The following DYM variants were observed in gnomAD, a reference collection of about 807,000 sequenced individuals.
The protein encoded by DYM is dyggve-Melchior-Clausen syndrome protein.
DYM carries 78 observed loss-of-function variants against 93.1 expected under a neutral mutation model. The observed-to-expected ratio is 0.84, with a 90% CI of 0.70 to 1.01. The LOEUF is 1.01. DYM is among the 50% of genes least tolerant of loss of function. DYM has a pLI of 0.00. For missense variants in DYM, 789 were observed against 845.0 expected, an observed-to-expected ratio of 0.93 and a Z score of 0.82; for synonymous variants, 321 against 319.7, an observed-to-expected ratio of 1.00 and a Z score of -0.04.
At chr18:49,335,070 G>A (rs2146889654) in intron 6 of DYM, among the ~76,000 whole-genome samples, 1 of 152,214 alleles carries the variant, frequency 6.6e-6, no homozygotes, top group Middle Eastern at 3.4e-3. Context: ...TCGTGCCATT[G>A]CACTCCAGCC....
At chr18:49,420,706 C>T (rs555590283) in intron 2 of DYM, among the ~76,000 whole-genome samples, 3 of 152,106 alleles carry the variant, frequency 2.0e-5, no homozygotes, top group East Asian at 1.9e-4. Context: ...GACCGTGAAC[C>T]GAAGCAGGGC....
At chr18:49,369,393 T>C (rs2066798834) in intron 5 of DYM, among the ~76,000 whole-genome samples, 1 of 152,184 alleles carries the variant, frequency 6.6e-6, no homozygotes, top group South Asian at 2.1e-4. Flanking sequence ...GGACAGAACC[T>C]TGGACAGAAC....
intron 2 of DYM, among the ~76,000 whole-genome samples, chr18:49,406,738 C>A (rs1197840704): frequency 1.3e-5 from 2 of 152,174 alleles, no homozygotes; most frequent in East Asian, 3.8e-4. Flanking sequence ...TCACACATTG[C>A]TGATGGGAAA....
chr18:49,297,738 T>C (rs760806292), intron 8 of DYM, among the ~76,000 whole-genome samples: 12 of 151,796 alleles, frequency 7.9e-5, no homozygotes, highest in Middle Eastern at 3.4e-3. Flanking sequence ...AAAGAAACAA[T>C]AAAATTTAAT....
chr18:49,249,648 C>G (rs569107626), intron 13 of DYM, among the ~76,000 whole-genome samples: 6 of 151,800 alleles, frequency 4.0e-5, no homozygotes, highest in South Asian at 2.1e-4. Context: ...GTTCAACAAC[C>G]AACTTCTGTT....
chr18:49,122,257 A>T (rs1463691231), intron 15 of DYM, among the ~76,000 whole-genome samples: 2 of 152,226 alleles, frequency 1.3e-5, no homozygotes, highest in African/African-American at 2.4e-5. Context: ...AATAGATGCC[A>T]TCAGATTGTT....
In DYM at chr18:49,259,445, A is replaced by T. The variant is rs2094455991; in HGVS notation, c.1252-952T>A. On this transcript the variant is annotated intron_variant, in intron 11 of 17. Transcript: ENST00000675505. ...AGACAAATTCGGGGAATCCTACTAA[A>T]CAGATAACCCAGTTTCTTCAACAAA... Among the ~76,000 whole-genome samples the T allele has an allele frequency of 2.6e-5, 4 of 152,322 alleles. 1 individual carries two copies. Among genetic ancestry groups the T allele is most frequent in the Admixed American group, 6.5e-5 (1 of 15,302 alleles).
chr18:49,332,184 T>C (rs984676173), intron 7 of DYM, among the ~76,000 whole-genome samples, 178 bp from the exon 8 acceptor site: 5 of 152,172 alleles, frequency 3.3e-5, no homozygotes, highest in Admixed American at 2.6e-4. Context: ...TTGAGAGCAA[T>C]TTTGAGGCTT....
At chr18:49,081,502 G>T (rs1360933963) in intron 17 of DYM, among the ~76,000 whole-genome samples, 2 of 144,714 alleles carry the variant, frequency 1.4e-5, no homozygotes, top group Non-Finnish European at 3.0e-5. Flanking sequence ...TGGAAAGAGA[G>T]GGAGAGGGAG....
intron 15 of DYM, among the ~76,000 whole-genome samples, chr18:49,132,931 C>G (rs1027233171): frequency 6.6e-6 from 1 of 152,098 alleles, no homozygotes; most frequent in Non-Finnish European, 1.5e-5. Context: ...GGCTTCCTGA[C>G]AAACAACTCG....
At chr18:49,116,733 A>G (rs1461032359) in intron 16 of DYM, among the ~76,000 whole-genome samples, 1 of 152,204 alleles carries the variant, frequency 6.6e-6, no homozygotes, top group Non-Finnish European at 1.5e-5. Flanking sequence ...ATCATCTTCT[A>G]TCAAAGCATA....
intron 8 of DYM, among the ~76,000 whole-genome samples, chr18:49,295,957 C>T (rs555189615): frequency 1.5e-4 from 23 of 152,224 alleles, no homozygotes; most frequent in African/African-American, 4.3e-4. Flanking sequence ...GAGTTTCACT[C>T]TGTTTCCCAG....
chr18:49,171,209 G>A (rs1277147555), intron 14 of DYM, among the ~76,000 whole-genome samples: 2 of 152,110 alleles, frequency 1.3e-5, no homozygotes, highest in African/African-American at 4.8e-5. Context: ...GGGGAGCAGA[G>A]TGCTAGAGTA....
At chr18:49,132,692 A>G (rs901059714) in intron 15 of DYM, among the ~76,000 whole-genome samples, 29 of 152,190 alleles carry the variant, frequency 1.9e-4, no homozygotes, top group East Asian at 9.6e-4. Context: ...TCATTAAAAT[A>G]CTCAAACATA....
At chr18:49,279,940 C>A (rs913716311) in intron 10 of DYM, among the ~76,000 whole-genome samples, 3 of 152,098 alleles carry the variant, frequency 2.0e-5, no homozygotes, top group Non-Finnish European at 4.4e-5. Context: ...ACTATTTATG[C>A]AGTATTTTAT....
Position 49,316,638 on chromosome 18 carries a change from C to A in DYM, c.763+15226G>T, listed in dbSNP as rs1234497601. 2.6e-5 allele frequency among the ~76,000 whole-genome samples: 4 copies of A among 152,264 alleles called. No individual in the cohort carries two copies. In the East Asian group the frequency reaches 7.7e-4, roughly 29 times the overall value. On this transcript the variant is annotated intron_variant, in intron 8 of 17. Coordinates refer to ENST00000675505, the MANE Select transcript of DYM (RefSeq NM_001353214.3). Reference sequence around the variant, plus strand: ...AAATGTGATCAAGTTTACAGCTAAACAGCAGGATATATCATCACATCATAC... The same window carrying A: ...AAATGTGATCAAGTTTACAGCTAAAAAGCAGGATATATCATCACATCATAC...
intron 15 of DYM, among the ~76,000 whole-genome samples, chr18:49,147,858 A>G (rs1460269286): frequency 6.6e-6 from 1 of 152,236 alleles, no homozygotes. Flanking sequence ...TACCCAAAGG[A>G]GTATAAAACA....
intron 11 of DYM, among the ~76,000 whole-genome samples, chr18:49,267,721 T>C (rs1333724451): frequency 6.6e-6 from 1 of 151,996 alleles, no homozygotes; most frequent in Non-Finnish European, 1.5e-5. Flanking sequence ...TGGTGAAACA[T>C]TCCTATCTCT....
intron 2 of DYM, among the ~76,000 whole-genome samples, chr18:49,394,117 A>G (rs949606920): frequency 1.3e-5 from 2 of 152,208 alleles, no homozygotes; most frequent in Non-Finnish European, 2.9e-5. Context: ...ATACTTTAAA[A>G]TGGTTAAAAT....
Sources: allele counts gnomAD v4.1 joint callset (sites outside exome capture counted in the v4.1 genomes callset), GRCh38; gene constraint gnomAD v4.1.1; transcripts MANE v1.5; gene names NCBI Gene and HGNC (gene_info 2026-07-23, HGNC 2026-07-21).